MREG: variants seen among roughly 807,000 people sequenced by gnomAD.
The protein encoded by MREG is dilute suppressor protein homolog.
In MREG, 31 loss-of-function variants were observed where a neutral mutation model predicts 28.5. The observed-to-expected ratio is 1.09, with a 90% CI of 0.82 to 1.47. The LOEUF is 1.47. Ranked by LOEUF, MREG falls within the 40% of genes most tolerant of loss-of-function variation. The probability of loss-of-function intolerance (pLI) is 0.00; values close to 1 mark genes in which losing one functional copy is unlikely to be tolerated. For synonymous variants in MREG, 106 were observed against 95.2 expected, an observed-to-expected ratio of 1.11 and a Z score of -0.66; for missense variants, 256 against 257.4, an observed-to-expected ratio of 0.99 and a Z score of 0.04.
At chr2:216,013,879 G>A (rs527760599), upstream of MREG, among the ~76,000 whole-genome samples, 2 of 138,262 alleles carry the variant, frequency 1.4e-5, no homozygotes, top group Non-Finnish European at 3.2e-5. Context: ...CAGAGTAAAA[G>A]TTACCAAAAG....
chr2:215,960,993 A>C (rs1692769693), intron 2 of MREG, among the ~76,000 whole-genome samples: 1 of 152,232 alleles, frequency 6.6e-6, no homozygotes, highest in South Asian at 2.1e-4. Flanking sequence ...CACTGTTCCT[A>C]GACAGCTGGT....
At chr2:215,958,194 C>T (rs1692681423) in intron 2 of MREG, among the ~76,000 whole-genome samples, 1 of 151,498 alleles carries the variant, frequency 6.6e-6, no homozygotes, top group African/African-American at 2.4e-5. Context: ...CAACATGGCA[C>T]ATGTATACAT....
chr2:216,000,958 C>A (rs1694000254), intron 1 of MREG, among the ~76,000 whole-genome samples: 1 of 152,148 alleles, frequency 6.6e-6, no homozygotes, highest in Admixed American at 6.5e-5. Flanking sequence ...GCCTCCCTGG[C>A]CAATTCCCAA....
chr2:215,941,623 A>T, downstream of MREG: 1 of 152,194 alleles, frequency 6.6e-6, no homozygotes, highest in East Asian at 1.9e-4. Flanking sequence ...CTTTCCTTCA[A>T]TCAGCAGTTT....
chr2:215,990,600 C>A (rs1160862067), intron 2 of MREG, among the ~76,000 whole-genome samples: 2 of 152,122 alleles, frequency 1.3e-5, no homozygotes, highest in Non-Finnish European at 2.9e-5. Context: ...CACAGACTGG[C>A]AAATTGGATA....
chr2:215,974,858 T>A (rs1166284995), intron 2 of MREG, among the ~76,000 whole-genome samples: 16 of 147,754 alleles, frequency 1.1e-4, no homozygotes, highest in African/African-American at 4.1e-4. Context: ...ACACACTCTC[T>A]CTCTCTCTCT....
At chr2:215,988,258 G>C (rs1693631139) in intron 2 of MREG, among the ~76,000 whole-genome samples, 1 of 152,198 alleles carries the variant, frequency 6.6e-6, no homozygotes, top group African/African-American at 2.4e-5. Context: ...GCTGAAGCAG[G>C]GTGGGGCGTT....
intron 1 of MREG, among the ~76,000 whole-genome samples, chr2:216,003,267 C>T (rs1694065232): frequency 1.3e-5 from 2 of 152,232 alleles, no homozygotes; most frequent in African/African-American, 4.8e-5. Context: ...CTGGGCACCC[C>T]TTTCCTGGCA....
intron 1 of MREG, among the ~76,000 whole-genome samples, chr2:216,000,808 C>T (rs183776619): frequency 1.3e-5 from 2 of 152,290 alleles, no homozygotes; most frequent in East Asian, 1.9e-4. Context: ...TAAAAATTTC[C>T]CTAAAGCAGG....
intron 2 of MREG, among the ~76,000 whole-genome samples, chr2:215,989,352 T>G (rs1365119534): frequency 6.6e-6 from 1 of 152,054 alleles, no homozygotes; most frequent in Non-Finnish European, 1.5e-5. Context: ...AGCATCAACA[T>G]GAACAAAAAG....
At chr2:215,950,771 C>A (rs1277189519) in intron 2 of MREG, among the ~76,000 whole-genome samples, 1 of 152,134 alleles carries the variant, frequency 6.6e-6, no homozygotes, top group Non-Finnish European at 1.5e-5. Context: ...TCCTCTTAAA[C>A]ATGTGACTCC....
intron 1 of MREG, among the ~76,000 whole-genome samples, chr2:216,020,499 C>G (rs1694504108): frequency 6.6e-6 from 1 of 152,156 alleles, no homozygotes; most frequent in East Asian, 1.9e-4. Context: ...CAAATGGAAC[C>G]AATTGCTGTG....
chr2:215,972,340 T>C (rs1355206374), intron 2 of MREG, among the ~76,000 whole-genome samples: 2 of 152,044 alleles, frequency 1.3e-5, no homozygotes, highest in Non-Finnish European at 2.9e-5. Context: ...AATAAGAAGA[T>C]AGGATTAAAA....
At chr2:215,957,664 C>T (rs1278222374) in intron 2 of MREG, among the ~76,000 whole-genome samples, 2 of 152,156 alleles carry the variant, frequency 1.3e-5, no homozygotes, top group East Asian at 1.9e-4. Context: ...TTCAGGCTTC[C>T]GGACTGAGAA....
chr2:216,014,572 C>G (rs1312982091), upstream of MREG, among the ~76,000 whole-genome samples: 1 of 151,800 alleles, frequency 6.6e-6, no homozygotes, highest in Admixed American at 6.6e-5. Flanking sequence ...TTGCTCGAAC[C>G]CGAGAGGCGG....
chr2:215,951,457 A>T (rs1473523215), intron 2 of MREG, among the ~76,000 whole-genome samples: 1 of 152,248 alleles, frequency 6.6e-6, no homozygotes, highest in South Asian at 2.1e-4. Context: ...TCTACCAGAC[A>T]TCAAAAGTTA....
chr2:216,009,419 AGCAACCCTT>A (rs1231689844), intron 1 of MREG, among the ~76,000 whole-genome samples: 1 of 151,984 alleles, frequency 6.6e-6, no homozygotes, highest in Non-Finnish European at 1.5e-5. Flanking sequence ...AAAAGTTCAA[AGCAACCCTT>A]GTGAAAGATC....
At chr2:215,970,216 T>C (rs1309557940) in intron 2 of MREG, among the ~76,000 whole-genome samples, 1 of 152,022 alleles carries the variant, frequency 6.6e-6, no homozygotes, top group Non-Finnish European at 1.5e-5. Context: ...TAGAGACACA[T>C]GCACAGGAAG....
At chr2:216,001,454 G>A (rs1028705958) in intron 1 of MREG, among the ~76,000 whole-genome samples, 2 of 152,156 alleles carry the variant, frequency 1.3e-5, no homozygotes, top group Non-Finnish European at 2.9e-5. Context: ...GGTATTCTCT[G>A]CGAGCTCCTG....
Sources: allele counts gnomAD v4.1 joint callset (sites outside exome capture counted in the v4.1 genomes callset), GRCh38; gene constraint gnomAD v4.1.1; transcripts MANE v1.5; gene names NCBI Gene and HGNC (gene_info 2026-07-23, HGNC 2026-07-21).